CDC14A: variants seen among roughly 807,000 people sequenced by gnomAD.
The protein encoded by CDC14A is cell division cycle 14A.
In CDC14A, 53 loss-of-function variants were observed where a neutral mutation model predicts 74.4. The observed-to-expected ratio is 0.71, with a 90% CI of 0.57 to 0.89. The LOEUF (loss-of-function observed/expected upper bound fraction) is 0.89, where lower values mean the gene tolerates loss of function less well. Among genes scored for constraint, CDC14A ranks in the 40% least tolerant of loss-of-function variants. CDC14A has a pLI of 0.00. For missense variants in CDC14A, 646 were observed against 713.7 expected (o/e 0.91, Z 1.08); for synonymous variants, 247 against 258.4 (o/e 0.96, Z 0.43).
rs1331881574 is a variant in CDC14A at position 100,484,332 on chromosome 1, T to A, written c.1018T>A (p.Ser340Thr). 1.2e-6 allele frequency: 2 copies of A among 1,601,950 alleles called. No homozygotes were observed. Among genetic ancestry groups the A allele is most frequent in the Non-Finnish European group, 1.7e-6 (2 of 1,174,586 alleles). ...GTGGGTCCAAGGAGACATTTTCCGA[T>A]CCAAACTGAAAAATCGACCATCCAG... The part of the protein sequence containing the change: ...SLWVQGDIFR[S>T]KLKNRPSSEG... The change falls in exon 11 of 16, where the codon TCC becomes ACC. Residue 340 changes from serine to threonine, a missense_variant. Transcript: ENST00000336454.
intron 5 of CDC14A, among the ~76,000 whole-genome samples, chr1:100,429,514 A>C (rs1326507125): frequency 6.6e-6 from 1 of 151,090 alleles, no homozygotes; most frequent in Non-Finnish European, 1.5e-5. Context: ...ACTTATCTGC[A>C]TACGTGGGGA....
At chr1:100,363,621 T>C (rs1653112985) in intron 2 of CDC14A, among the ~76,000 whole-genome samples, 1 of 152,076 alleles carries the variant, frequency 6.6e-6, no homozygotes, top group Non-Finnish European at 1.5e-5. Flanking sequence ...TCTCTTTTTT[T>C]TTTTTTATAA....
At chr1:100,514,914 A>G (rs956905473) in intron 15 of CDC14A, among the ~76,000 whole-genome samples, 6 of 152,234 alleles carry the variant, frequency 3.9e-5, no homozygotes, top group African/African-American at 1.2e-4. Flanking sequence ...CAATTTTACT[A>G]TAAAATGTAA....
At chr1:100,413,594 A>G (rs1373499887) in intron 4 of CDC14A, among the ~76,000 whole-genome samples, 1 of 152,200 alleles carries the variant, frequency 6.6e-6, no homozygotes, top group African/African-American at 2.4e-5. Context: ...GACTGCCTAA[A>G]GTTGCCATAA....
intron 12 of CDC14A, among the ~76,000 whole-genome samples, chr1:100,495,545 A>G (rs1026438924): frequency 1.3e-5 from 2 of 152,214 alleles, no homozygotes; most frequent in African/African-American, 4.8e-5. Flanking sequence ...AAATATCATC[A>G]TTTTTTAAAA....
At chr1:100,462,927 C>A in intron 9 of CDC14A, 46 bp downstream of exon 9, 1 of 1,439,056 alleles carries the variant, frequency 6.9e-7, no homozygotes, top group Non-Finnish European at 9.8e-7. Flanking sequence ...ATCGAAGGGG[C>A]GGGCCAAGGA....
chr1:100,382,389 T>TA (rs1469232756), intron 3 of CDC14A, among the ~76,000 whole-genome samples: 1 of 119,960 alleles, frequency 8.3e-6, no homozygotes, highest in African/African-American at 4.6e-5. Context: ...CCCAGCTAAC[T>TA]ATTTTTTTTT....
chr1:100,463,559 A>C (rs912560387), intron 9 of CDC14A, among the ~76,000 whole-genome samples: 1 of 152,226 alleles, frequency 6.6e-6, no homozygotes, highest in African/African-American at 2.4e-5. Flanking sequence ...TAGCAAATAA[A>C]AATACAGGCT....
At chr1:100,350,254 C>A (rs1650826376), upstream of CDC14A, among the ~76,000 whole-genome samples, 1 of 152,054 alleles carries the variant, frequency 6.6e-6, no homozygotes, top group Non-Finnish European at 1.5e-5. Context: ...CGCGCCCAGA[C>A]AAGTTTTGTA....
chr1:100,503,931 C>T (rs1479846229), intron 15 of CDC14A, among the ~76,000 whole-genome samples: 1 of 152,122 alleles, frequency 6.6e-6, no homozygotes, highest in Admixed American at 6.5e-5. Flanking sequence ...CTTACCTGAC[C>T]CCCAACTCTG....
intron 5 of CDC14A, among the ~76,000 whole-genome samples, chr1:100,439,680 T>C (rs1216842180): frequency 1.3e-5 from 2 of 152,146 alleles, no homozygotes; most frequent in Admixed American, 1.3e-4. Context: ...CCTGGTTGAA[T>C]TGGAAGTGGA....
At chr1:100,459,913 A>G (rs1470668744) in intron 8 of CDC14A, among the ~76,000 whole-genome samples, 1 of 152,206 alleles carries the variant, frequency 6.6e-6, no homozygotes, top group Non-Finnish European at 1.5e-5. Context: ...TATAAAACCT[A>G]CTCACCAATT....
intron 2 of CDC14A, 86 bp downstream of exon 2, chr1:100,353,938 A>T (rs1570934187): frequency 1.4e-6 from 1 of 729,268 alleles, no homozygotes; most frequent in South Asian, 1.6e-5. Context: ...TGGCAGTTTT[A>T]TTCATTTCCC....
intron 11 of CDC14A, among the ~76,000 whole-genome samples, chr1:100,487,384 C>T (rs1023210694): frequency 2.0e-5 from 3 of 152,086 alleles, no homozygotes; most frequent in African/African-American, 4.8e-5. Context: ...CATAACGAAA[C>T]CCCATCTCTA....
At chr1:100,470,244 A>G (rs1430723248) in intron 10 of CDC14A, among the ~76,000 whole-genome samples, 1 of 152,170 alleles carries the variant, frequency 6.6e-6, no homozygotes, top group Non-Finnish European at 1.5e-5. Flanking sequence ...GACAAAGTTT[A>G]GTACCCATTT....
chr1:100,390,571 A>G (rs1176646077), intron 3 of CDC14A, among the ~76,000 whole-genome samples, 161 bp from the exon 4 acceptor site: 2 of 152,188 alleles, frequency 1.3e-5, no homozygotes, highest in Non-Finnish European at 2.9e-5. Flanking sequence ...AATCTGAGCT[A>G]GTAATTCTCT....
At chr1:100,358,688 C>T (rs1210076777) in intron 2 of CDC14A, among the ~76,000 whole-genome samples, 1 of 152,206 alleles carries the variant, frequency 6.6e-6, no homozygotes, top group African/African-American at 2.4e-5. Flanking sequence ...TTAAAACATT[C>T]AATTTTCATT....
chr1:100,435,215 C>T (rs907863962), intron 5 of CDC14A, among the ~76,000 whole-genome samples: 3 of 152,088 alleles, frequency 2.0e-5, no homozygotes, highest in African/African-American at 7.2e-5. Flanking sequence ...GATGACTTTG[C>T]AAAGGAGGTT....
At chr1:100,490,834 T>G (rs960934051) in intron 11 of CDC14A, among the ~76,000 whole-genome samples, 8 of 152,160 alleles carry the variant, frequency 5.3e-5, no homozygotes, top group African/African-American at 1.9e-4. Flanking sequence ...AGACACAAAT[T>G]TAAATGATGA....
Sources: allele counts gnomAD v4.1 joint callset (sites outside exome capture counted in the v4.1 genomes callset), GRCh38; gene constraint gnomAD v4.1.1; transcripts MANE v1.5; gene names NCBI Gene and HGNC (gene_info 2026-07-23, HGNC 2026-07-21).